Variants in PDE10A observed in about 807,000 individuals in gnomAD.
PDE10A encodes phosphodiesterase 10A, also known as cAMP and cAMP-inhibited cGMP 3',5'-cyclic phosphodiesterase 10A.
PDE10A carries 39 observed loss-of-function variants against 97.7 expected under a neutral mutation model. That is an observed-to-expected ratio of 0.40 (90% CI 0.31 to 0.52). The LOEUF is 0.52. Ranked by LOEUF, PDE10A falls within the 20% of genes least tolerant of loss-of-function variation. PDE10A has a pLI of 0.56. For synonymous variants in PDE10A, 371 were observed against 376.8 expected (o/e 0.98, Z 0.18); for missense variants, 731 against 1,047.8 (o/e 0.70, Z 4.17).
rs927401906 is a variant in PDE10A at position 165,735,839 on chromosome 6, T to C, written c.-614-192271A>G. ...GGGCATCTGCCCTGGCCCAGTCAAT[T>C]TGACACATAAAATTAACTGTCACAG... On this transcript the variant is annotated intron_variant, in intron 1 of 19. Coordinates refer to the PDE10A transcript ENST00000366882. Among the ~76,000 whole-genome samples, 12 of 152,212 alleles carry C rather than the reference T, an allele frequency of 7.9e-5. No individual in the cohort carries two copies. The South Asian group carries it at 1.7e-3, about 21-fold the overall frequency.
intron 1 of PDE10A, among the ~76,000 whole-genome samples, chr6:165,826,807 G>T (rs1419644875): frequency 6.7e-6 from 1 of 148,868 alleles, no homozygotes; most frequent in Non-Finnish European, 1.5e-5. Flanking sequence ...AGGCTGGGGG[G>T]CAGGGAGGAG....
At chr6:165,341,761 T>C (rs1781985024) in intron 19 of PDE10A, among the ~76,000 whole-genome samples, 1 of 152,186 alleles carries the variant, frequency 6.6e-6, no homozygotes, top group African/African-American at 2.4e-5. Context: ...ATAGGTGCTA[T>C]GGTGTTACGG....
In PDE10A at chr6:165,379,199, T is replaced by G. The variant is rs780869011; in HGVS notation, c.2778A>C (p.Ser926=). The G allele has an allele frequency of 4.4e-6, 7 of 1,599,132 alleles. No homozygotes were observed. Among genetic ancestry groups the G allele is most frequent in the Non-Finnish European group, 6.0e-6 (7 of 1,173,372 alleles). ...QTGSLNLNNQ[S]HRDRVIGLMM... is the part of the protein sequence containing the mutation. The stretch of plus-strand genomic sequence containing the variant: ...CTTTTAAAAATTATTTTTACCTATG[T>G]GATTGATTATTAAGGTTTAGTGATC... Residue 926 remains serine (S), a synonymous_variant, in exon 18 of 22, where the codon TCA becomes TCC. Coordinates refer to ENST00000539869, the MANE Select transcript of PDE10A (RefSeq NM_001385079.1).
intron 1 of PDE10A, among the ~76,000 whole-genome samples, chr6:165,656,034 G>A (rs1295519678): frequency 6.6e-6 from 1 of 152,064 alleles, no homozygotes; most frequent in Non-Finnish European, 1.5e-5. Flanking sequence ...CTCTCCGTGT[G>A]CATTCGCTGT....
chr6:165,844,159 G>A (rs1562764700), intron 1 of PDE10A, among the ~76,000 whole-genome samples: 2 of 152,216 alleles, frequency 1.3e-5, no homozygotes, highest in African/African-American at 2.4e-5. Flanking sequence ...CCCCCTGGAG[G>A]AGGGTACAAG....
intron 2 of PDE10A, among the ~76,000 whole-genome samples, chr6:165,517,103 C>A (rs912581798): frequency 7.2e-5 from 11 of 152,166 alleles, no homozygotes; most frequent in Admixed American, 2.6e-4. Flanking sequence ...TTAATACACA[C>A]CTCTTGTGTC....
chr6:165,892,492 C>A (rs963808193), intron 1 of PDE10A, among the ~76,000 whole-genome samples: 1 of 152,224 alleles, frequency 6.6e-6, no homozygotes, highest in Non-Finnish European at 1.5e-5. Flanking sequence ...CTGTGACTGT[C>A]CGTCCTTACC....
At chr6:165,479,051 C>T (rs1230757085) in intron 3 of PDE10A, among the ~76,000 whole-genome samples, 1 of 152,154 alleles carries the variant, frequency 6.6e-6, no homozygotes, top group Non-Finnish European at 1.5e-5. Context: ...CTGGACACAC[C>T]TCAGAACCTC....
At chr6:165,509,138 T>A (rs758686341) in intron 2 of PDE10A, among the ~76,000 whole-genome samples, 5 of 152,108 alleles carry the variant, frequency 3.3e-5, no homozygotes, top group Non-Finnish European at 7.4e-5. Flanking sequence ...TGTTGTCTTT[T>A]ATTGATATAT....
intron 1 of PDE10A, among the ~76,000 whole-genome samples, chr6:165,622,665 C>T (rs914770020): frequency 3.3e-5 from 5 of 152,176 alleles, no homozygotes; most frequent in African/African-American, 9.7e-5. Context: ...CATGCACACA[C>T]ACACACAAAG....
At chr6:165,768,860 T>C (rs1261114970) in intron 1 of PDE10A, among the ~76,000 whole-genome samples, 1 of 152,166 alleles carries the variant, frequency 6.6e-6, no homozygotes, top group Non-Finnish European at 1.5e-5. Flanking sequence ...ATTCTCTAAC[T>C]TTCCTCTCTT....
At chr6:165,585,395 G>A (rs906690781) in intron 1 of PDE10A, among the ~76,000 whole-genome samples, 1 of 152,168 alleles carries the variant, frequency 6.6e-6, no homozygotes, top group African/African-American at 2.4e-5. Flanking sequence ...AAGGTATTTT[G>A]TAGACATGAT....
intron 1 of PDE10A, among the ~76,000 whole-genome samples, chr6:165,801,167 A>G (rs1018623116): frequency 6.6e-6 from 1 of 152,246 alleles, no homozygotes; most frequent in Non-Finnish European, 1.5e-5. Flanking sequence ...AGACCCATCT[A>G]CATCCACATC....
chr6:165,810,480 G>A (rs189480895), intron 1 of PDE10A, among the ~76,000 whole-genome samples: 5 of 152,270 alleles, frequency 3.3e-5, no homozygotes, highest in Admixed American at 2.0e-4. Context: ...CATCCTCAGA[G>A]CACTCAGCTT....
chr6:165,655,358 C>T lies in PDE10A; in HGVS notation c.865+6589G>A, dbSNP rs1789888500. Among the ~76,000 whole-genome samples, 1 of 152,170 alleles carries T rather than the reference C, an allele frequency of 6.6e-6. No homozygotes were observed. The highest frequency in any genetic ancestry group is 1.5e-5 in the Non-Finnish European group (1 of 68,040). Reference sequence around the variant, plus strand: ...AGGCTGAACACCACCAAACGCCACGCCTGATTCCTTGCGCACCCCACGTGC... The same window carrying T: ...AGGCTGAACACCACCAAACGCCACGTCTGATTCCTTGCGCACCCCACGTGC... On this transcript the variant is annotated intron_variant, in intron 1 of 21. Transcript: ENST00000539869. The surrounding 1 kb of genome is among the most constrained non-coding windows in gnomAD (Gnocchi z 4.5).
intron 1 of PDE10A, among the ~76,000 whole-genome samples, chr6:165,847,335 G>A (rs1017423869): frequency 1.3e-5 from 2 of 152,192 alleles, no homozygotes; most frequent in East Asian, 1.9e-4. Context: ...TTAAGCTCAC[G>A]CAAGCGGCTA....
chr6:165,350,807 C>A (rs184224880), intron 18 of PDE10A, among the ~76,000 whole-genome samples: 22 of 152,210 alleles, frequency 1.4e-4, no homozygotes, highest in Non-Finnish European at 2.9e-5. Context: ...CTTCCCTCTT[C>A]GCTGGGCACT....
chr6:165,502,966 T>C (rs542664435), intron 2 of PDE10A, among the ~76,000 whole-genome samples: 2 of 152,292 alleles, frequency 1.3e-5, no homozygotes, highest in African/African-American at 4.8e-5. Flanking sequence ...TTAAACTATA[T>C]AGTTAAACTT....
chr6:165,493,291 C>G (rs1285826716), intron 2 of PDE10A, among the ~76,000 whole-genome samples: 1 of 151,984 alleles, frequency 6.6e-6, no homozygotes, highest in Non-Finnish European at 1.5e-5. Flanking sequence ...ATGCACTTCC[C>G]ATCAAAATAC....
Sources: allele counts gnomAD v4.1 joint callset (sites outside exome capture counted in the v4.1 genomes callset), GRCh38; gene constraint gnomAD v4.1.1; non-coding constraint Gnocchi (gnomAD v3.1); transcripts MANE v1.5; gene names NCBI Gene and HGNC (gene_info 2026-07-23, HGNC 2026-07-21).